ANKAR: variants seen among roughly 807,000 people sequenced by gnomAD.
The protein encoded by ANKAR is ankyrin and armadillo repeat-containing protein.
A neutral mutation model predicts 146.2 loss-of-function variants in ANKAR; 136 were observed. That is an observed-to-expected ratio of 0.93 (90% CI 0.81 to 1.07). The LOEUF is 1.07. Among genes scored for constraint, ANKAR ranks in the 50% least tolerant of loss-of-function variants. The pLI, the probability that ANKAR is intolerant of heterozygous loss-of-function variation, is 0.00. For missense variants in ANKAR, 1,567 were observed against 1,679.9 expected (o/e 0.93, Z 1.18); for synonymous variants, 500 against 575.8 (o/e 0.87, Z 1.88).
At chr2:189,744,457 C>A (rs2043773387) in intron 21 of ANKAR, among the ~76,000 whole-genome samples, 1 of 152,172 alleles carries the variant, frequency 6.6e-6, no homozygotes, top group Non-Finnish European at 1.5e-5. Context: ...CTTTCTCAGA[C>A]CTATCTTCTT....
Position 189,728,291 on chromosome 2 carries a change from C to G in ANKAR, c.2902C>G (p.Gln968Glu), listed in dbSNP as rs1559128047. The G allele has an allele frequency of 6.2e-7, 1 of 1,608,992 alleles. No homozygotes were observed. Among genetic ancestry groups the G allele is most frequent in the Non-Finnish European group, 8.5e-7 (1 of 1,178,790 alleles). ...GGCATTTCAAATAGATGTTAAGGAA[C>G]AAGGAGCTGTTGCACTTTGGGCCTT... ...LKAFQIDVKE[Q>E]GAVALWALAG... The change falls in exon 14 of 23, where the codon CAA (glutamine) becomes GAA (glutamate). Residue 968 changes from glutamine (Q) to glutamate (E), a missense_variant. Physicochemically the swap from Gln to Glu is conservative, Grantham distance 29 (BLOSUM62 2). Transcript: ENST00000684021.
intron 15 of ANKAR, among the ~76,000 whole-genome samples, chr2:189,730,277 C>A (rs1292616218): frequency 6.6e-6 from 1 of 152,100 alleles, no homozygotes; most frequent in Non-Finnish European, 1.5e-5. Context: ...TTTTAGGAAG[C>A]CACTCACAAT....
rs776928588 is a variant in ANKAR, at chr2:189,678,086, C to A, written c.601+995C>A. ...CAGTGTAAGTATTCCCTTTTCACCA[C>A]ATCCATGCCGACATGTATTATTTTT... On this transcript the variant is annotated intron_variant, in intron 2 of 22. Coordinates refer to ENST00000684021, the MANE Select transcript of ANKAR (RefSeq NM_001378068.1). Among the ~76,000 whole-genome samples, 15 of 152,248 alleles carry A rather than the reference C, an allele frequency of 9.9e-5. No homozygotes were observed. The East Asian group carries it at 2.5e-3, about 25-fold the overall frequency.
In ANKAR at chr2:189,714,967, AGAG is replaced by A. The variant is rs1172978964; in HGVS notation, c.2224+3815_2224+3817del. On this transcript the variant is annotated intron_variant, in intron 10 of 22. Transcript: ENST00000684021. Reference sequence around the variant, plus strand: ...TCTCACAAAAAAAAAAAAAAAAAAAAGAGAGAGAGAGAGAAACCAGGAAAGATC... The same window carrying A: ...TCTCACAAAAAAAAAAAAAAAAAAAAAGAGAGAGAGAAACCAGGAAAGATC... Among the ~76,000 whole-genome samples, 756 of 92,702 alleles carry A rather than the reference AGAG, an allele frequency of 8.2e-3. 3 individuals carry two copies. Among genetic ancestry groups the A allele is most frequent in the South Asian group, 0.013 (45 of 3,438 alleles). 60.8% of individuals were successfully genotyped at this position (92,702 alleles called of 152,430 possible).
At position 189,692,928 on chromosome 2, in the gene ANKAR, T is replaced by C. The variant is rs1574418529; in HGVS notation, c.1204-146T>C. On this transcript the variant is annotated intron_variant, in intron 4 of 22. Transcript: ENST00000684021. ...TTTTCCTCATTCTCAAAGTAAGGATTAGATATATTCAGCTGCTATCCGGGT... is the reference window on the plus strand; with the variant it reads ...TTTTCCTCATTCTCAAAGTAAGGATCAGATATATTCAGCTGCTATCCGGGT... The C allele has an allele frequency of 1.1e-5, 5 of 445,494 alleles. No homozygotes were observed. The South Asian group carries it at 1.5e-4, about 13-fold the overall frequency. The allele number at this position is 445,494 out of a possible 1,614,324, so 27.6% of individuals were successfully genotyped here. A position where few individuals can be genotyped will look rare whatever the true frequency, so the allele number is the denominator to read the frequency against.
At chr2:189,678,296 T>A (rs983973641) in intron 2 of ANKAR, among the ~76,000 whole-genome samples, 3 of 152,226 alleles carry the variant, frequency 2.0e-5, no homozygotes, top group African/African-American at 7.2e-5. Flanking sequence ...TGTTTGTTTT[T>A]TTCTTGCTAA....
intron 18 of ANKAR, among the ~76,000 whole-genome samples, chr2:189,757,992 A>AAGATGGGGCCTGGTGGG (rs2046335305): frequency 6.6e-6 from 1 of 152,144 alleles, no homozygotes; most frequent in Admixed American, 6.5e-5. Context: ...CCCAATGTTG[A>AAGATGGGGCCTGGTGGG]AGATGGGGCC....
intron 2 of ANKAR, among the ~76,000 whole-genome samples, chr2:189,681,106 A>G (rs907962371): frequency 2.0e-5 from 3 of 152,252 alleles, no homozygotes; most frequent in African/African-American, 7.2e-5. Flanking sequence ...ATCATTCTGA[A>G]TGGGCATATG....
At chr2:189,702,266 C>T (rs1171231665) in intron 7 of ANKAR, among the ~76,000 whole-genome samples, 1 of 152,154 alleles carries the variant, frequency 6.6e-6, no homozygotes, top group African/African-American at 2.4e-5. Context: ...CCTCCCCCTG[C>T]TGGAAGTATG....
chr2:189,746,571 T>C lies in ANKAR; in HGVS notation c.4249T>C (p.Leu1417=), dbSNP rs1187540051. 1.9e-6 allele frequency: 3 copies of C among 1,613,310 alleles called. No individual in the cohort carries two copies. Among genetic ancestry groups the C allele is most frequent in the East Asian group, 4.5e-5 (2 of 44,826 alleles). Residue 1417 remains leucine (L), a synonymous_variant, in exon 23 of 23, where the codon TTG becomes CTG. Transcript: ENST00000684021. The part of the protein sequence containing the change: ...TNVSRPRIVC[L]NQLGKHVQKA... ...TGTATCAAGACCAAGAATAGTGTGT[T>C]TGAACCAACTTGGGAAACATGTCCA...
Position 189,676,967 on chromosome 2 carries a change from T to A in ANKAR, c.477T>A (p.His159Gln). Residue 159 changes from histidine (H) to glutamine (Q), a missense_variant, in exon 2 of 23, where the codon CAT becomes CAA. By Grantham distance (24) the His-to-Gln change is conservative. Transcript: ENST00000684021. ...ACTACATGCTGAAAGCACTATGGCA[T>A]GGAATATATATGCCCAAAGAAAAAC... ...NIDYMLKALWHGIYMPKEKRA... is the reference protein window; with the variant it reads ...NIDYMLKALWQGIYMPKEKRA... 6.2e-7 allele frequency: 1 copy of A among 1,614,010 alleles called. No homozygotes were observed. The highest frequency in any genetic ancestry group is 8.5e-7 in the Non-Finnish European group (1 of 1,180,038).
downstream of ANKAR, among the ~76,000 whole-genome samples, chr2:189,761,886 C>A (rs1163947852): frequency 6.6e-6 from 1 of 152,114 alleles, no homozygotes; most frequent in African/African-American, 2.4e-5. Context: ...TTATTACTTG[C>A]ATGCTGTTCC....
intron 11 of ANKAR, among the ~76,000 whole-genome samples, chr2:189,720,249 CT>C (rs1383619647): frequency 6.6e-6 from 1 of 151,748 alleles, no homozygotes; most frequent in Non-Finnish European, 1.5e-5. Context: ...ACTTGTGTTT[CT>C]TTTTTTCTTT....
chr2:189,717,011 A>T (rs1425275006), intron 10 of ANKAR, among the ~76,000 whole-genome samples: 1 of 152,158 alleles, frequency 6.6e-6, no homozygotes, highest in African/African-American at 2.4e-5. Flanking sequence ...AGGCAATACC[A>T]TTCAGGACAT....
Position 189,695,038 on chromosome 2 carries a change from G to T in ANKAR, c.1365G>T (p.Gln455His). 1 of 1,611,340 alleles carries T rather than the reference G, an allele frequency of 6.2e-7. No individual in the cohort carries two copies. Among genetic ancestry groups the T allele is most frequent in the Non-Finnish European group, 8.5e-7 (1 of 1,178,756 alleles). ...ETFYQQLYKT[Q>H]WWGAINEIVN... ...TCTATCAGCAACTATATAAGACACA[G>T]TGGTGGGGAGCCATAAATGAAATAG... Residue 455 changes from glutamine (Q) to histidine (H), a missense_variant, in exon 6 of 23, where the codon CAG becomes CAT. Physicochemically the swap from Gln to His is conservative, Grantham distance 24. Transcript: ENST00000684021.
intron 20 of ANKAR, 142 bp from the exon 21 acceptor site, chr2:189,743,133 A>C (rs1447359342): frequency 2.8e-6 from 2 of 715,142 alleles, no homozygotes; most frequent in East Asian, 5.4e-5. Context: ...TTCCGTCTAT[A>C]CACTGCCATT....
rs2105796795 is a variant in ANKAR, at chr2:189,689,849, T to C, written c.924T>C (p.Asp308=). The C allele has an allele frequency of 2.5e-6, 4 of 1,603,764 alleles. No homozygotes were observed. In the East Asian group the frequency reaches 9.0e-5, roughly 36 times the overall value. ...IIQKHFEKKK[D]IRRGIGYLKL... ...AAAAACACTTTGAGAAGAAAAAAGATATCAGAAGAGGGATAGGATACCTAA... is the reference window on the plus strand; with the variant it reads ...AAAAACACTTTGAGAAGAAAAAAGACATCAGAAGAGGGATAGGATACCTAA... The change falls in exon 3 of 23, where the codon GAT becomes GAC. Residue 308 remains aspartate, a synonymous_variant. Transcript: ENST00000684021.
intron 17 of ANKAR, among the ~76,000 whole-genome samples, chr2:189,736,518 G>T (rs1365395891): frequency 0.06 from 2,709 of 44,896 alleles, 253 homozygotes; most frequent in Non-Finnish European, 0.15. Flanking sequence ...GTGTGTGTGT[G>T]TGTGTGTGTG....
chr2:189,749,710 A>C (rs1379151476), downstream of ANKAR, among the ~76,000 whole-genome samples: 1 of 152,216 alleles, frequency 6.6e-6, no homozygotes, highest in Non-Finnish European at 1.5e-5. Context: ...GATTTTAAAA[A>C]ATGCATAGAC....
Sources: allele counts gnomAD v4.1 joint callset (sites outside exome capture counted in the v4.1 genomes callset), GRCh38; gene constraint gnomAD v4.1.1; transcripts MANE v1.5; gene names NCBI Gene and HGNC (gene_info 2026-07-23, HGNC 2026-07-21).